The following AP3D1 variants were observed in gnomAD, a reference collection of about 807,000 sequenced individuals.
AP3D1 encodes adaptor related protein complex 3 subunit delta 1.
AP3D1 carries 51 observed loss-of-function variants against 147.6 expected under a neutral mutation model. The observed-to-expected ratio is 0.35, with a 90% CI of 0.28 to 0.44. The LOEUF (loss-of-function observed/expected upper bound fraction) is 0.44, where lower values mean the gene tolerates loss of function less well. Ranked by LOEUF, AP3D1 falls within the 20% of genes least tolerant of loss-of-function variation. The probability of loss-of-function intolerance (pLI) is 1.00; values close to 1 mark genes in which losing one functional copy is unlikely to be tolerated. For synonymous variants in AP3D1, 760 were observed against 663.0 expected (o/e 1.15, Z -2.25); for missense variants, 1,421 against 1,624.2 (o/e 0.87, Z 2.15).
chr19:2,137,871 C>T lies in AP3D1; in HGVS notation c.193-64G>A, dbSNP rs2240658. 583,753 of 1,509,288 alleles carry T rather than the reference C, an allele frequency of 0.39. 118,142 individuals are homozygous for T. Among genetic ancestry groups the T allele is most frequent in the Non-Finnish European group, 0.43 (467,128 of 1,089,316 alleles). 93.5% of individuals were successfully genotyped at this position (1,509,288 alleles called of 1,614,324 possible). A position where few individuals can be genotyped will look rare whatever the true frequency, so the allele number is the denominator to read the frequency against. Reference sequence around the variant, plus strand: ...AAGCAGAGAGAAAGGTTTTGAGCCGCGGCATCAAGCGCTCCCTCCCAGCAC... The same window carrying T: ...AAGCAGAGAGAAAGGTTTTGAGCCGTGGCATCAAGCGCTCCCTCCCAGCAC... On this transcript the variant is annotated intron_variant, in intron 2 of 31. Transcript: ENST00000643116.
At position 2,127,198 on chromosome 19, in the gene AP3D1, C is replaced by A. The variant is rs200136075; in HGVS notation, c.810G>T (p.Thr270=). 6.2e-7 allele frequency: 1 copy of A among 1,613,760 alleles called. No homozygotes were observed. Among genetic ancestry groups the A allele is most frequent in the Non-Finnish European group, 8.5e-7 (1 of 1,179,980 alleles). ...IEPLTNLIHS[T]SAMSLLYECV... ...ATTCATAGAGGAGAGACATGGCAGA[C>A]GTGCTAAGGAAAGGAACACAGGGAA... Residue 270 remains threonine, a synonymous_variant, in exon 9 of 32, where the codon ACG becomes ACT. Transcript: ENST00000643116.
rs376880565 is a variant in AP3D1, at chr19:2,115,524, C to T, written c.2149+14G>A. 6.2e-7 allele frequency: 1 copy of T among 1,612,650 alleles called. No homozygotes were observed. Among genetic ancestry groups the T allele is most frequent in the Middle Eastern group, 1.7e-4 (1 of 6,056 alleles). ...ATGTGACAAATGCGGCGCCGACACA[C>T]CGGAGACACTTGCCTGGAACCTTCA... On this transcript the variant is annotated intron_variant, in intron 19 of 31. Coordinates refer to ENST00000643116, the MANE Select transcript of AP3D1 (RefSeq NM_001261826.3).
rs1028426334 is a variant in AP3D1, at chr19:2,129,242, C to T, written c.732+76G>A. The stretch of plus-strand genomic sequence containing the variant: ...AGGGACAGGGGGGGCCTCGGTCACC[C>T]GCAGGGAATGCCCCACACAGGGTGA... On this transcript the variant is annotated intron_variant, in intron 7 of 31. Transcript: ENST00000643116. 84 of 1,611,008 alleles carry T rather than the reference C, an allele frequency of 5.2e-5. No individual in the cohort carries two copies. In the African/African-American group the frequency reaches 8.1e-4, roughly 16 times the overall value.
At chr19:2,116,530 C>A in intron 17 of AP3D1, 75 bp downstream of exon 17, 1 of 1,463,890 alleles carries the variant, frequency 6.8e-7, no homozygotes. Flanking sequence ...CCACAGAGGC[C>A]GCTGACCTGC....
chr19:2,126,434 T>C (rs1214082431), intron 9 of AP3D1, among the ~76,000 whole-genome samples: 1 of 151,956 alleles, frequency 6.6e-6, no homozygotes, highest in East Asian at 1.9e-4. Flanking sequence ...GGCAGGCGGA[T>C]CAAGAGGTCA....
Position 2,132,554 on chromosome 19 carries a change from C to G in AP3D1, c.379G>C (p.Asp127His). The G allele has an allele frequency of 6.2e-7, 1 of 1,609,940 alleles. No homozygotes were observed. The highest frequency in any genetic ancestry group is 8.5e-7 in the Non-Finnish European group (1 of 1,176,664). ...AGACCCGTCAGTGCAACACCTGTGTCGTACTGGCTGGGGCTGCTCAAGTCC... is the reference window on the plus strand; with the variant it reads ...AGACCCGTCAGTGCAACACCTGTGTGGTACTGGCTGGGGCTGCTCAAGTCC... ...RKDLSSPSQY[D>H]TGVALTGLSC... The change falls in exon 5 of 32, where the codon GAC (aspartate) becomes CAC (histidine). Residue 127 changes from aspartate (D) to histidine (H), a missense_variant. Transcript: ENST00000643116.
chr19:2,145,340 C>T (rs1415138128), intron 1 of AP3D1, among the ~76,000 whole-genome samples: 7 of 152,326 alleles, frequency 4.6e-5, no homozygotes, highest in South Asian at 2.1e-4. Context: ...CACATCCCTC[C>T]GCCTGTCTCA....
intron 20 of AP3D1, 129 bp downstream of exon 20, chr19:2,115,090 G>A: frequency 1.0e-6 from 1 of 999,066 alleles, no homozygotes; most frequent in South Asian, 1.6e-5. Flanking sequence ...CTCCTCCTAT[G>A]CTCTCCGGGG....
intron 25 of AP3D1, 147 bp from the exon 26 acceptor site, chr19:2,111,479 C>T (rs891356369): frequency 3.2e-4 from 401 of 1,245,950 alleles, no homozygotes; most frequent in Non-Finnish European, 4.2e-4. Context: ...GAGGGATCCC[C>T]GGCTCCCAGG....
At chr19:2,123,911 C>T in intron 9 of AP3D1, 32 bp from the exon 10 acceptor site, 1 of 1,561,446 alleles carries the variant, frequency 6.4e-7, no homozygotes, top group African/African-American at 1.4e-5. Flanking sequence ...GCACCACGGT[C>T]AGCACCATGG....
At chr19:2,116,570 A>T in intron 17 of AP3D1, 35 bp downstream of exon 17, 1 of 1,537,434 alleles carries the variant, frequency 6.5e-7, no homozygotes, top group Non-Finnish European at 8.7e-7. Context: ...AGGAGGGAGG[A>T]GACGAGGGCT....
At chr19:2,154,895 G>A (rs1315759964), upstream of AP3D1, among the ~76,000 whole-genome samples, 2 of 152,190 alleles carry the variant, frequency 1.3e-5, no homozygotes, top group Non-Finnish European at 2.9e-5. Flanking sequence ...AAACCCAAAA[G>A]GAGGCCAGGC....
rs373314385 is a variant in AP3D1, at chr19:2,116,643, G to C, written c.1963C>G (p.His655Asp). 1 of 1,604,364 alleles carries C rather than the reference G, an allele frequency of 6.2e-7. No homozygotes were observed. Among genetic ancestry groups the C allele is most frequent in the Admixed American group, 1.7e-5 (1 of 59,230 alleles). The stretch of plus-strand genomic sequence containing the variant: ...TCCTCGTCCGCCTCCGACGGCCGGT[G>C]CTTGGGACGCCGCTGCTCCTCCTCG... The part of the protein sequence containing the change: ...FHEEEQRRPK[H>D]RPSEADEEEL... The change falls in exon 17 of 32, where the codon CAC (histidine) becomes GAC (aspartate). Residue 655 changes from histidine to aspartate, a missense_variant. Around this residue, in one of 6 missense-constraint regions of AP3D1, gnomAD observed 791 missense variants for 761.4 expected, o/e 1.04. Coordinates refer to ENST00000643116, the MANE Select transcript of AP3D1 (RefSeq NM_001261826.3).
chr19:2,139,991 CATA>C (rs1386336107), intron 1 of AP3D1, among the ~76,000 whole-genome samples: 1 of 152,110 alleles, frequency 6.6e-6, no homozygotes, highest in African/African-American at 2.4e-5. Context: ...GGCACAGACA[CATA>C]ATATTTTCCT....
chr19:2,111,346 A>G lies in AP3D1; in HGVS notation c.2938-14T>C, dbSNP rs1356505903. 6.2e-7 allele frequency: 1 copy of G among 1,613,854 alleles called. No homozygotes were observed. The highest frequency in any genetic ancestry group is 2.2e-5 in the East Asian group (1 of 44,882). On this transcript the variant is annotated splice_polypyrimidine_tract_variant and intron_variant, in intron 25 of 31. Transcript: ENST00000643116. ...GCTGGACTCAGGCTGGAAATAGAAA[A>G]GGCGCATCAGCCTTGGGGGCCCCGA...
chr19:2,138,528 A>G, intron 2 of AP3D1, 91 bp downstream of exon 2: 1 of 989,622 alleles, frequency 1.0e-6, no homozygotes, highest in Non-Finnish European at 1.6e-6. Flanking sequence ...AATGACTGAC[A>G]GGTGGACAGA....
intron 26 of AP3D1, 24 bp downstream of exon 26, chr19:2,111,261 C>G: frequency 6.2e-7 from 1 of 1,613,630 alleles, no homozygotes; most frequent in African/African-American, 1.3e-5. Context: ...GCCCACCCTG[C>G]CCCTGGGAGC....
At chr19:2,102,728 AAAATAAATAAATAAAT>A (rs148548478) in intron 31 of AP3D1, among the ~76,000 whole-genome samples, 3,125 of 129,624 alleles carry the variant, frequency 0.024, 72 homozygotes, top group South Asian at 0.074. Context: ...ACTGTCTCAA[AAAATAAATAAATAAAT>A]AAATAAATAA....
At chr19:2,138,885 C>T (rs2019146369) in intron 1 of AP3D1, among the ~76,000 whole-genome samples, 171 bp from the exon 2 acceptor site, 1 of 151,666 alleles carries the variant, frequency 6.6e-6, no homozygotes, top group Admixed American at 6.6e-5. Context: ...CATGGTGAAA[C>T]CCCGCCTCTA....
Sources: allele counts gnomAD v4.1 joint callset (sites outside exome capture counted in the v4.1 genomes callset), GRCh38; gene constraint gnomAD v4.1.1; regional missense constraint gnomAD v4.1.1; transcripts MANE v1.5; gene names NCBI Gene and HGNC (gene_info 2026-07-23, HGNC 2026-07-21).